Variants in NUP98 observed in about 807,000 individuals in gnomAD.
NUP98 encodes the protein nuclear pore complex protein Nup98-Nup96.
A neutral mutation model predicts 191.9 loss-of-function variants in NUP98; 26 were observed. That is an observed-to-expected ratio of 0.14 (90% confidence interval 0.10 to 0.19). The LOEUF is 0.19. Ranked by LOEUF, NUP98 falls within the 10% of genes least tolerant of loss-of-function variation. The pLI is 1.00. For synonymous variants in NUP98, 808 were observed against 778.4 expected (o/e 1.04, Z -0.63); for missense variants, 1,941 against 2,178.8 (o/e 0.89, Z 2.17).
intron 15 of NUP98, among the ~76,000 whole-genome samples, chr11:3,724,211 C>T (rs2079522601): frequency 6.6e-6 from 1 of 151,668 alleles, no homozygotes; most frequent in African/African-American, 2.4e-5. Flanking sequence ...GCGGGTGGAT[C>T]GCTTGAGGTC....
intron 12 of NUP98, among the ~76,000 whole-genome samples, chr11:3,740,008 G>A (rs1451167340): frequency 6.6e-6 from 1 of 152,144 alleles, no homozygotes; most frequent in Non-Finnish European, 1.5e-5. Flanking sequence ...AATTTGTACT[G>A]TTTATGTTGT....
intron 31 of NUP98, among the ~76,000 whole-genome samples, chr11:3,677,745 A>G (rs1057076567): frequency 2.0e-5 from 3 of 152,180 alleles, no homozygotes; most frequent in Non-Finnish European, 4.4e-5. Context: ...GAATTACTCA[A>G]TATTCAATGA....
At chr11:3,717,994 G>A (rs2079247455) in intron 18 of NUP98, among the ~76,000 whole-genome samples, 1 of 152,054 alleles carries the variant, frequency 6.6e-6, no homozygotes, top group Non-Finnish European at 1.5e-5. Flanking sequence ...CTCTGTTGAT[G>A]ACTTTTTCAT....
intron 25 of NUP98, 113 bp downstream of exon 25, chr11:3,698,969 T>C: frequency 8.2e-7 from 1 of 1,219,978 alleles, no homozygotes; most frequent in Non-Finnish European, 1.2e-6. Context: ...AAGTCCGCAA[T>C]TAATACTCAT....
rs759953995 is a variant in NUP98 at position 3,782,136 on chromosome 11, T to C, written c.-19A>G. On this transcript the variant is annotated 5_prime_UTR_variant, in exon 2 of 33. Transcript: ENST00000324932. ...TAAACATCTTCAAAATGAGTCTTTG[T>C]TTCAGAAAGCTGGGAAAAAGAAAAC... 3.2e-6 allele frequency: 5 copies of C among 1,576,486 alleles called. No homozygotes were observed. The highest frequency in any genetic ancestry group is 1.7e-4 in the Middle Eastern group (1 of 5,994).
intron 20 of NUP98, among the ~76,000 whole-genome samples, chr11:3,710,710 A>G (rs917749508): frequency 6.6e-6 from 1 of 152,214 alleles, no homozygotes; most frequent in African/African-American, 2.4e-5. Context: ...TGGTGCTAAT[A>G]ACAAACCACT....
intron 20 of NUP98, chr11:3,712,127 A>G: frequency 9.4e-7 from 1 of 1,059,790 alleles, no homozygotes; most frequent in Non-Finnish European, 1.1e-6. Context: ...CAACTTTAAA[A>G]AAATGGAGAT....
intron 28 of NUP98, 135 bp from the exon 29 acceptor site, chr11:3,686,329 G>A (rs1254506860): frequency 4.2e-6 from 3 of 714,706 alleles, no homozygotes; most frequent in Non-Finnish European, 7.0e-6. Context: ...CTCCCTCTGA[G>A]CCTATGTTTT....
chr11:3,768,204 G>A (rs648753), intron 8 of NUP98, among the ~76,000 whole-genome samples: 41,823 of 151,696 alleles, frequency 0.28, 6,314 homozygotes, highest in African/African-American at 0.38. Flanking sequence ...GGCGGATCAC[G>A]AGGTCAGGAG....
chr11:3,700,857 G>T lies in NUP98; in HGVS notation c.3513-18C>A. The T allele has an allele frequency of 6.5e-7, 1 of 1,548,742 alleles. No homozygotes were observed. Among genetic ancestry groups the T allele is most frequent in the Non-Finnish European group, 8.9e-7 (1 of 1,127,082 alleles). ...CAGTTAGGCTACAAGAGCAAATGAG[G>T]AATAGAATAGAAAATGAACCTAAGA... On this transcript the variant is annotated intron_variant, in intron 23 of 32. Coordinates refer to ENST00000324932, the MANE Select transcript of NUP98 (RefSeq NM_016320.5).
At chr11:3,758,447 G>A (rs1302747591) in intron 10 of NUP98, among the ~76,000 whole-genome samples, 5 of 152,114 alleles carry the variant, frequency 3.3e-5, no homozygotes, top group East Asian at 1.9e-4. Context: ...GTTGAGAAAC[G>A]CTAACTGACC....
chr11:3,740,326 T>C lies in NUP98; in HGVS notation c.1408+4183A>G, dbSNP rs111526141. Among the ~76,000 whole-genome samples the C allele has an allele frequency of 1.0e-2, 1,516 of 151,984 alleles. 25 individuals carry two copies. The highest frequency in any genetic ancestry group is 0.035 in the African/African-American group (1,457 of 41,452). On this transcript the variant is annotated intron_variant, in intron 12 of 32. Transcript: ENST00000324932. ...AGGAGTTCGTGACCAGCCTAGCCAA[T>C]ATGGTGAAACCCAATACCTACTAAA... is the stretch of plus-strand genomic sequence containing the variant.
chr11:3,791,533 CAAAAAAAAAA>C (rs71041395), intron 1 of NUP98, among the ~76,000 whole-genome samples: 2 of 67,214 alleles, frequency 3.0e-5, no homozygotes, highest in South Asian at 5.4e-4. Context: ...GACCTCGTCT[CAAAAAAAAAA>C]AAAAAAAAAA....
intron 23 of NUP98, 49 bp from the exon 24 acceptor site, chr11:3,700,888 G>A: frequency 7.6e-7 from 1 of 1,322,040 alleles, no homozygotes; most frequent in Admixed American, 2.1e-5. Flanking sequence ...TAAGACAGAA[G>A]CTAGGATTTT....
At chr11:3,699,472 G>T in intron 24 of NUP98, 124 bp from the exon 25 acceptor site, 1 of 1,026,762 alleles carries the variant, frequency 9.7e-7, no homozygotes, top group Admixed American at 2.4e-5. Context: ...AACCACTCAA[G>T]CTGATTACCC....
intron 11 of NUP98, among the ~76,000 whole-genome samples, chr11:3,752,968 T>C (rs1002448842): frequency 1.8e-4 from 27 of 152,312 alleles, no homozygotes; most frequent in African/African-American, 6.0e-4. Context: ...AGGGCTTACT[T>C]TGATGAACAG....
chr11:3,683,545 C>CT (rs35532049), intron 29 of NUP98, 104 bp from the exon 30 acceptor site: 614 of 817,054 alleles, frequency 7.5e-4, no homozygotes, highest in South Asian at 1.0e-3. Flanking sequence ...AACTGCAGGT[C>CT]TTTTTTTTTT....
intron 10 of NUP98, among the ~76,000 whole-genome samples, chr11:3,757,267 T>A (rs1292441532): frequency 4.0e-5 from 6 of 151,798 alleles, no homozygotes; most frequent in African/African-American, 1.5e-4. Flanking sequence ...GACAGGCAGA[T>A]CACCTGAGCT....
rs2077773341 is a variant in NUP98, at chr11:3,675,311, G to GT, written c.*847dup. 4.6e-6 allele frequency: 1 copy of GT among 218,096 alleles called. No homozygotes were observed. The highest frequency in any genetic ancestry group is 2.2e-5 in the African/African-American group (1 of 44,454). The allele number at this position is 218,096 out of a possible 1,614,324, so 13.5% of individuals were successfully genotyped here. On this transcript the variant is annotated 3_prime_UTR_variant, in exon 33 of 33. Coordinates refer to ENST00000324932, the MANE Select transcript of NUP98 (RefSeq NM_016320.5). ...TGGTTTGTTTTTGCTTCTGGAAGGGGTAGATGGAGGGTGGGAAATGCTTTG... is the reference window on the plus strand; with the variant it reads ...TGGTTTGTTTTTGCTTCTGGAAGGGGTTAGATGGAGGGTGGGAAATGCTTTG...
Sources: gnomAD v4.1 joint callset for allele counts (sites outside exome capture counted in the v4.1 genomes callset) on GRCh38, gnomAD v4.1.1 for gene constraint, MANE v1.5 for transcripts, NCBI Gene and HGNC (gene_info 2026-07-23, HGNC 2026-07-21) for gene names.